The following DOCK9 variants were observed in gnomAD, a reference collection of about 807,000 sequenced individuals.
The protein encoded by DOCK9 is dedicator of cytokinesis protein 9.
DOCK9 carries 89 observed loss-of-function variants against 263.3 expected under a neutral mutation model. The ratio of observed to expected loss-of-function variants is 0.34; its 90% CI spans 0.28 to 0.40. The LOEUF (loss-of-function observed/expected upper bound fraction) is 0.40. Among genes scored for constraint, DOCK9 ranks in the 10% least tolerant of loss-of-function variants. The pLI, the probability that DOCK9 is intolerant of heterozygous loss-of-function variation, is 1.00. For synonymous variants in DOCK9, 976 were observed against 973.1 expected, an observed-to-expected ratio of 1.00 and a Z score of -0.06; for missense variants, 2,140 against 2,603.4, an observed-to-expected ratio of 0.82 and a Z score of 3.87.
At chr13:98,931,302 T>TTTTAC (rs2053888516) in intron 2 of DOCK9, among the ~76,000 whole-genome samples, 2 of 151,258 alleles carry the variant, frequency 1.3e-5, no homozygotes, top group Admixed American at 1.3e-4. Context: ...ATTTATTTTA[T>TTTTAC]TTTATTTTAT....
At chr13:98,850,004 A>C (rs1213222469) in intron 36 of DOCK9, 43 bp downstream of exon 36, 1 of 1,388,906 alleles carries the variant, frequency 7.2e-7, no homozygotes, top group East Asian at 2.4e-5. Flanking sequence ...TTAATGATCC[A>C]GGAAAAAATC....
chr13:98,859,298 T>C (rs1258118713), intron 33 of DOCK9: 1 of 152,222 alleles, frequency 6.6e-6, no homozygotes, highest in African/African-American at 2.4e-5. Context: ...CCAGGCTCTG[T>C]TGCAAGCATT....
At position 98,824,401 on chromosome 13, in the gene DOCK9, G is replaced by A. The variant is rs11617965; in HGVS notation, c.5127C>T (p.Asn1709=). ...CCACATGAGTTCAAGCACGCACCTC[G>A]TTGAAATGGACATCCTGCATCCCCA... ...EDVGMQDVHF[N]EDVLMELLEQ... is the part of the protein sequence containing the mutation. Residue 1709 remains asparagine, a synonymous_variant, in exon 45 of 53, where the codon AAC becomes AAT. Coordinates refer to ENST00000682017, the MANE Select transcript of DOCK9 (RefSeq NM_001366683.2). The A allele has an allele frequency of 2.7e-3, 4,419 of 1,613,662 alleles. 15 individuals carry two copies. Among genetic ancestry groups the A allele is most frequent in the Middle Eastern group, 9.4e-3 (57 of 6,044 alleles).
intron 7 of DOCK9, among the ~76,000 whole-genome samples, chr13:98,920,179 A>G (rs1306112256): frequency 6.6e-6 from 1 of 152,246 alleles, no homozygotes; most frequent in African/African-American, 2.4e-5. Flanking sequence ...GGAGGAGTCC[A>G]GAAGGACTTT....
At chr13:99,024,235 G>A (rs1033703191) in intron 1 of DOCK9, among the ~76,000 whole-genome samples, 16 of 152,182 alleles carry the variant, frequency 1.1e-4, no homozygotes, top group African/African-American at 2.9e-4. Flanking sequence ...TCACATGAGC[G>A]CAGGAAGCAC....
chr13:98,999,405 A>G (rs1238989123), intron 1 of DOCK9, among the ~76,000 whole-genome samples: 1 of 152,160 alleles, frequency 6.6e-6, no homozygotes, highest in East Asian at 1.9e-4. Flanking sequence ...ATAGTTTTAA[A>G]TTGGCTTTTA....
intron 1 of DOCK9, among the ~76,000 whole-genome samples, chr13:98,995,968 C>T (rs552352462): frequency 1.1e-4 from 17 of 152,026 alleles, no homozygotes; most frequent in Non-Finnish European, 2.4e-4. Context: ...GAACAGCACA[C>T]GATGAGCCCA....
At chr13:98,979,893 C>G (rs1438667874), upstream of DOCK9, among the ~76,000 whole-genome samples, 6 of 152,216 alleles carry the variant, frequency 3.9e-5, no homozygotes, top group Non-Finnish European at 7.3e-5. Flanking sequence ...TAGTAAAGGA[C>G]AGCCCAACCA....
At chr13:98,880,066 G>A in intron 26 of DOCK9, 97 bp from the exon 27 acceptor site, 2 of 950,220 alleles carry the variant, frequency 2.1e-6, no homozygotes, top group Admixed American at 2.7e-5. Flanking sequence ...CATAAAGCAG[G>A]TGTGACCCTA....
At position 98,835,304 on chromosome 13, in the gene DOCK9, C is replaced by A. The variant is rs188354119; in HGVS notation, c.4314+2190G>T. ...TTATATCTCTTCTGATATGGTCCAA[C>A]TGATGCCTGAGTAAATATTTGCAAA... On this transcript the variant is annotated intron_variant, in intron 39 of 52. Coordinates refer to ENST00000682017, the MANE Select transcript of DOCK9 (RefSeq NM_001366683.2). Among the ~76,000 whole-genome samples the A allele has an allele frequency of 1.6e-3, 247 of 152,320 alleles. 5 individuals carry two copies. Among genetic ancestry groups the A allele is most frequent in the Admixed American group, 0.014 (218 of 15,296 alleles).
chr13:98,831,283 A>G, intron 41 of DOCK9, 65 bp downstream of exon 41: 1 of 1,491,706 alleles, frequency 6.7e-7, no homozygotes, highest in South Asian at 1.3e-5. Flanking sequence ...GTGATACTCA[A>G]AGTTTTCCTG....
At chr13:98,962,658 A>G (rs1401626736) in intron 1 of DOCK9, among the ~76,000 whole-genome samples, 3 of 152,180 alleles carry the variant, frequency 2.0e-5, no homozygotes, top group African/African-American at 7.2e-5. Flanking sequence ...AAAAGAAAAA[A>G]AAACTTTCCT....
chr13:98,916,435 CCAG>C (rs547618308), intron 7 of DOCK9, among the ~76,000 whole-genome samples: 114 of 152,298 alleles, frequency 7.5e-4, no homozygotes, highest in Admixed American at 2.2e-3. Flanking sequence ...CTAACCTGAG[CCAG>C]CAGGACAGCC....
intron 27 of DOCK9, among the ~76,000 whole-genome samples, chr13:98,876,978 A>G (rs1175660203): frequency 2.0e-5 from 3 of 152,074 alleles, no homozygotes; most frequent in African/African-American, 7.2e-5. Context: ...ACTTCTAAAA[A>G]CTCTCTGAAT....
At chr13:98,981,054 G>GTTT (rs1291190944), upstream of DOCK9, among the ~76,000 whole-genome samples, 11 of 143,966 alleles carry the variant, frequency 7.6e-5, no homozygotes, top group African/African-American at 2.0e-4. Context: ...CAAGTAATTT[G>GTTT]TTTTTTGTTT....
At chr13:98,980,714 T>C (rs1252696329), upstream of DOCK9, among the ~76,000 whole-genome samples, 5 of 152,220 alleles carry the variant, frequency 3.3e-5, no homozygotes, top group Admixed American at 1.3e-4. Flanking sequence ...TGATCTAAAA[T>C]GACAATTCCA....
chr13:99,051,319 A>C (rs1415594567), intron 1 of DOCK9, among the ~76,000 whole-genome samples: 8 of 151,994 alleles, frequency 5.3e-5, no homozygotes, highest in Admixed American at 3.9e-4. Context: ...TTTCTGCTTG[A>C]GCCCACAATG....
At chr13:99,066,989 G>C (rs141001348) in intron 1 of DOCK9, among the ~76,000 whole-genome samples, 1 of 152,254 alleles carries the variant, frequency 6.6e-6, no homozygotes, top group East Asian at 1.9e-4. Flanking sequence ...TAGATAAGTA[G>C]GTCCCAGTAT....
intron 37 of DOCK9, among the ~76,000 whole-genome samples, chr13:98,848,131 A>G (rs1373413263): frequency 6.6e-6 from 1 of 152,248 alleles, no homozygotes; most frequent in Non-Finnish European, 1.5e-5. Flanking sequence ...GGATGGACTG[A>G]AAACATTCTT....
Sources: gnomAD v4.1 joint callset for allele counts (sites outside exome capture counted in the v4.1 genomes callset) on GRCh38, gnomAD v4.1.1 for gene constraint, MANE v1.5 for transcripts, NCBI Gene and HGNC (gene_info 2026-07-23, HGNC 2026-07-21) for gene names.